Variants in LRP5 observed in about 807,000 individuals in gnomAD.
The protein encoded by LRP5 is low-density lipoprotein receptor-related protein 5.
A neutral mutation model predicts 154.1 loss-of-function variants in LRP5; 62 were observed. The observed-to-expected ratio is 0.40, with a 90% confidence interval of 0.33 to 0.50. LRP5 has a LOEUF of 0.50. Ranked by LOEUF, LRP5 falls within the 20% of genes least tolerant of loss-of-function variation. LRP5 has a pLI of 0.55. For synonymous variants in LRP5, 966 were observed against 1,011.5 expected, an observed-to-expected ratio of 0.96 and a Z score of 0.85; for missense variants, 1,915 against 2,336.7, an observed-to-expected ratio of 0.82 and a Z score of 3.72.
chr11:68,387,119 C>G (rs1161710470), intron 6 of LRP5, among the ~76,000 whole-genome samples: 5 of 144,586 alleles, frequency 3.5e-5, no homozygotes, highest in Non-Finnish European at 7.6e-5. Flanking sequence ...CTCTTTTTTT[C>G]TTTTTTTTTT....
At chr11:68,429,098 A>G (rs1005417123) in intron 16 of LRP5, among the ~76,000 whole-genome samples, 13 of 144,066 alleles carry the variant, frequency 9.0e-5, no homozygotes, top group African/African-American at 2.8e-4. Flanking sequence ...CTCTGTCTCA[A>G]AAAAAAAAGC....
chr11:68,308,704 T>C (rs1174788906), upstream of LRP5, among the ~76,000 whole-genome samples: 4 of 152,070 alleles, frequency 2.6e-5, no homozygotes, highest in African/African-American at 9.7e-5. Context: ...CCTGGGACCT[T>C]GCAGTAGTGT....
intron 1 of LRP5, among the ~76,000 whole-genome samples, chr11:68,342,738 C>G (rs75656077): frequency 0.048 from 7,240 of 152,306 alleles, 578 homozygotes; most frequent in African/African-American, 0.16. Flanking sequence ...GCTCTCCTGG[C>G]CTCCCCCGGT....
At chr11:68,407,415 G>C (rs1356777062) in intron 9 of LRP5, among the ~76,000 whole-genome samples, 1 of 151,236 alleles carries the variant, frequency 6.6e-6, no homozygotes, top group Non-Finnish European at 1.5e-5. Context: ...CAGGTGATCT[G>C]CCCGCCTCGG....
intron 2 of LRP5, among the ~76,000 whole-genome samples, chr11:68,351,678 T>C (rs2098618706): frequency 6.6e-6 from 1 of 152,122 alleles, no homozygotes; most frequent in East Asian, 1.9e-4. Flanking sequence ...CTGGTCCTGC[T>C]CCCCACGCAG....
chr11:68,440,868 A>G (rs2098677829), intron 21 of LRP5, among the ~76,000 whole-genome samples: 1 of 151,956 alleles, frequency 6.6e-6, no homozygotes, highest in African/African-American at 2.4e-5. Flanking sequence ...TCCCAGGTTC[A>G]AGCAGTTCCC....
At chr11:68,339,754 C>T (rs2098607853) in intron 1 of LRP5, among the ~76,000 whole-genome samples, 1 of 152,178 alleles carries the variant, frequency 6.6e-6, no homozygotes, top group African/African-American at 2.4e-5. Context: ...GACATTTGAG[C>T]TGTTTCCATG....
At chr11:68,354,192 G>A (rs114507933) in intron 2 of LRP5, among the ~76,000 whole-genome samples, 148 of 152,334 alleles carry the variant, frequency 9.7e-4, no homozygotes, top group African/African-American at 3.3e-3. Context: ...AGGCCATGCT[G>A]CAGCTCTTTT....
chr11:68,336,748 C>A (rs2450902), intron 1 of LRP5, among the ~76,000 whole-genome samples: 23 of 152,180 alleles, frequency 1.5e-4, no homozygotes, highest in Non-Finnish European at 2.9e-4. Flanking sequence ...AGATTACAGT[C>A]GTGAGCCACC....
intron 5 of LRP5, among the ~76,000 whole-genome samples, chr11:68,366,605 C>T (rs541803134): frequency 9.2e-5 from 14 of 152,020 alleles, no homozygotes; most frequent in Non-Finnish European, 2.1e-4. Context: ...AGGGGTCCTG[C>T]GTTTGGTGAG....
chr11:68,366,579 T>G (rs1380455972), intron 5 of LRP5, among the ~76,000 whole-genome samples: 2 of 152,158 alleles, frequency 1.3e-5, no homozygotes, highest in Non-Finnish European at 2.9e-5. Context: ...TGTGGGTCTT[T>G]TCTCTGCTCC....
At chr11:68,434,816 G>A (rs1489609997) in intron 18 of LRP5, among the ~76,000 whole-genome samples, 2 of 152,218 alleles carry the variant, frequency 1.3e-5, no homozygotes, top group Non-Finnish European at 2.9e-5. Flanking sequence ...TAATTCACAT[G>A]CAGTCTGGCC....
chr11:68,413,562 A>G lies in LRP5; in HGVS notation c.2504-127A>G. ...TCTTGCTGGTTTTCCAAGGTGGCCA[A>G]ACACTTTAAGGCATTCATGTGGTCG... On this transcript the variant is annotated intron_variant, in intron 11 of 22. Coordinates refer to ENST00000294304, the MANE Select transcript of LRP5 (RefSeq NM_002335.4). The surrounding 1 kb of genome is among the most constrained non-coding windows in gnomAD (Gnocchi z 5.1). 1.2e-6 allele frequency: 1 copy of G among 833,908 alleles called. No individual in the cohort carries two copies. The highest frequency in any genetic ancestry group is 1.9e-5 in the Admixed American group (1 of 52,022). 51.7% of individuals were successfully genotyped at this position (833,908 alleles called of 1,614,324 possible). A position where few individuals can be genotyped will look rare whatever the true frequency, so the allele number is the denominator to read the frequency against.
At position 68,411,567 on chromosome 11, in the gene LRP5, G is replaced by T. The variant is rs1159453402; in HGVS notation, c.2450G>T (p.Arg817Leu). ...CTCACCATTGACTACGCTGACCAGC[G>T]CCTCTACTGGACCGACCTGGACACC... Reference protein sequence around the residue: ...NDLTIDYADQRLYWTDLDTNM... With the variant: ...NDLTIDYADQLLYWTDLDTNM... The change falls in exon 11 of 23, where the codon CGC (arginine) becomes CTC (leucine). Residue 817 changes from arginine to leucine, a missense_variant. Physicochemically the swap from Arg to Leu is moderately radical, Grantham distance 102 (BLOSUM62 -2). This residue lies in a region of LRP5 where 1,094 missense variants were observed against 1,210.1 expected (regional missense o/e 0.90). Transcript: ENST00000294304. 3.1e-6 allele frequency: 5 copies of T among 1,613,524 alleles called. No individual in the cohort carries two copies. The highest frequency in any genetic ancestry group is 3.4e-6 in the Non-Finnish European group (4 of 1,180,034).
At chr11:68,301,440 A>G in the LRP5 span, among the ~76,000 whole-genome samples, 1 of 148,058 alleles carries the variant, frequency 6.8e-6, no homozygotes, top group East Asian at 2.0e-4. Context: ...GTGCCACTGC[A>G]CTCCAGCCTG....
intron 2 of LRP5, among the ~76,000 whole-genome samples, chr11:68,348,501 G>A (rs1358145261): frequency 1.4e-5 from 2 of 141,102 alleles, no homozygotes; most frequent in South Asian, 2.3e-4. Flanking sequence ...GGTTGGCTCA[G>A]GCCTGTAACC....
intron 7 of LRP5, among the ~76,000 whole-genome samples, chr11:68,395,880 A>G (rs1292576792): frequency 6.6e-6 from 1 of 152,066 alleles, no homozygotes; most frequent in Non-Finnish European, 1.5e-5. Context: ...GTATGTCCTC[A>G]GGCTTCTGCG....
intron 1 of LRP5, among the ~76,000 whole-genome samples, chr11:68,313,782 A>C (rs1236801616): frequency 6.6e-6 from 1 of 152,200 alleles, no homozygotes. Context: ...TGTTTGTGGC[A>C]GTTTAGCGGG....
At chr11:68,333,024 C>G (rs568371008) in intron 1 of LRP5, among the ~76,000 whole-genome samples, 1 of 152,260 alleles carries the variant, frequency 6.6e-6, no homozygotes. Flanking sequence ...AATCTTTAGA[C>G]AACTGCAGAA....
Sources: gnomAD v4.1 joint callset for allele counts (sites outside exome capture counted in the v4.1 genomes callset) on GRCh38, gnomAD v4.1.1 for gene constraint, gnomAD v4.1.1 regional missense constraint, Gnocchi (gnomAD v3.1) non-coding constraint, MANE v1.5 for transcripts, NCBI Gene and HGNC (gene_info 2026-07-23, HGNC 2026-07-21) for gene names.